SLC10A1: variants seen among roughly 807,000 people sequenced by gnomAD.
The protein encoded by SLC10A1 is solute carrier family 10 member 1.
Under a neutral mutation model 20.5 loss-of-function variants are expected in SLC10A1, and 36 were observed. The ratio of observed to expected loss-of-function variants is 1.75; its 90% CI spans 1.34 to 2.32. The LOEUF (loss-of-function observed/expected upper bound fraction) is 2.32, where lower values mean the gene tolerates loss of function less well. Ranked by LOEUF, SLC10A1 falls within the 30% of genes most tolerant of loss-of-function variation. The probability of loss-of-function intolerance (pLI) is 0.00; values close to 1 mark genes in which losing one functional copy is unlikely to be tolerated. For synonymous variants in SLC10A1, 188 were observed against 163.6 expected (o/e 1.15, Z -1.14); for missense variants, 545 against 439.1 (o/e 1.24, Z -2.16).
Position 69,776,317 on chromosome 14 carries a change from A to G in SLC10A1, c.1015T>C (p.Tyr339His), listed in dbSNP as rs1315259952. 5 of 1,613,674 alleles carry G rather than the reference A, an allele frequency of 3.1e-6. No individual in the cohort carries two copies. The highest frequency in any genetic ancestry group is 1.8e-4 in the Middle Eastern group (1 of 5,646). ...TIPGALGNGT[Y>H]KGEDCSPCTA ...CAAGGGGAGCAGTCCTCCCCTTTGT[A>G]GGTGCCATTTCCCAGAGCTCCTGGA... The change falls in exon 5 of 5, where the codon TAC becomes CAC. Residue 339 changes from tyrosine to histidine, a missense_variant. Coordinates refer to ENST00000216540, the MANE Select transcript of SLC10A1 (RefSeq NM_003049.4).
At chr14:69,790,061 C>A (rs556568279) in intron 1 of SLC10A1, among the ~76,000 whole-genome samples, 178 of 151,756 alleles carry the variant, frequency 1.2e-3, no homozygotes, top group African/African-American at 4.1e-3. Flanking sequence ...TTTAAAAAGT[C>A]ATTAAGGACA....
At chr14:69,778,218 G>A in intron 4 of SLC10A1, 115 bp downstream of exon 4, 1 of 793,146 alleles carries the variant, frequency 1.3e-6, no homozygotes, top group Non-Finnish European at 2.0e-6. Context: ...GGTTCTTAGT[G>A]ACTTGATAAG....
At position 69,777,609 on chromosome 14, in the gene SLC10A1, A is replaced by ATTT. The variant is rs1209960018; in HGVS notation, c.943+723_943+724insAAA. Among the ~76,000 whole-genome samples, 122 of 79,648 alleles carry ATTT rather than the reference A, an allele frequency of 1.5e-3. 5 individuals are homozygous for ATTT. The highest frequency in any genetic ancestry group is 6.7e-3 in the East Asian group (20 of 2,970). 52.3% of individuals were successfully genotyped at this position (79,648 alleles called of 152,430 possible). On this transcript the variant is annotated intron_variant, in intron 4 of 4. Transcript: ENST00000216540. ...TTTTTTTTTTTTTTTTTTTTTTAAA[A>ATTT]TTGGTGTTAAAGTGCACTTTGAGGA...
chr14:69,777,456 G>A (rs117666795), intron 4 of SLC10A1, among the ~76,000 whole-genome samples: 277 of 152,166 alleles, frequency 1.8e-3, no homozygotes, highest in Non-Finnish European at 2.7e-3. Context: ...GAAAGGTTTT[G>A]AAGGGGACTT....
intron 3 of SLC10A1, 90 bp downstream of exon 3, chr14:69,779,085 CTGGAGGT>C (rs1277926563): frequency 2.7e-5 from 24 of 900,252 alleles, no homozygotes; most frequent in Non-Finnish European, 3.4e-5. Context: ...CAGTTAAACC[CTGGAGGT>C]TGAGGCTGCA....
chr14:69,782,157 A>G (rs1303350743), intron 2 of SLC10A1, among the ~76,000 whole-genome samples: 5 of 152,230 alleles, frequency 3.3e-5, no homozygotes, highest in Admixed American at 1.3e-4. Flanking sequence ...TTTGGAATAT[A>G]GGAAGATCAG....
intron 2 of SLC10A1, among the ~76,000 whole-genome samples, chr14:69,781,835 G>A (rs1046612688): frequency 6.6e-6 from 1 of 152,152 alleles, no homozygotes; most frequent in African/African-American, 2.4e-5. Context: ...ATTGTATCTT[G>A]GTATATCTAA....
In SLC10A1 at chr14:69,786,236, CT is replaced by C. The variant is rs749105720; in HGVS notation, c.427del (p.Arg143GlyfsTer8). 6.2e-6 allele frequency: 10 copies of C among 1,613,944 alleles called. No homozygotes were observed. The highest frequency in any genetic ancestry group is 6.8e-6 in the Non-Finnish European group (8 of 1,180,022). The part of the protein sequence containing the change: ...MMPLLLYIYS[R>X]GIYDGDLKDK... Reference sequence around the variant, plus strand: ...CTTCAGGTCCCCATCATAGATCCCCCTGGAGTAGATGTACAGGAGGAGAGGC... The same window carrying C: ...CTTCAGGTCCCCATCATAGATCCCCCGGAGTAGATGTACAGGAGGAGAGGC... On this transcript the variant is annotated frameshift_variant, in exon 2 of 5. Transcript: ENST00000216540. LOFTEE classifies it high-confidence loss of function.
At chr14:69,788,008 T>C (rs1883761493) in intron 1 of SLC10A1, among the ~76,000 whole-genome samples, 1 of 151,882 alleles carries the variant, frequency 6.6e-6, no homozygotes, top group Non-Finnish European at 1.5e-5. Context: ...TACAGTGAGC[T>C]ATGTTAGCGC....
intron 1 of SLC10A1, among the ~76,000 whole-genome samples, chr14:69,792,095 G>A (rs1882285662): frequency 6.6e-6 from 1 of 151,970 alleles, no homozygotes; most frequent in African/African-American, 2.4e-5. Context: ...GGGATTACAG[G>A]TGCACATCAC....
chr14:69,786,034 T>G (rs1883703078), intron 2 of SLC10A1, 63 bp downstream of exon 2: 1 of 1,167,150 alleles, frequency 8.6e-7, no homozygotes, highest in Non-Finnish European at 1.3e-6. Context: ...TGATTATATC[T>G]TATAGTTGTA....
chr14:69,789,079 T>C (rs1594763869), intron 1 of SLC10A1, among the ~76,000 whole-genome samples: 1 of 152,132 alleles, frequency 6.6e-6, no homozygotes, highest in South Asian at 2.1e-4. Context: ...TGTTGGAGGG[T>C]ATATGGAAAA....
At chr14:69,795,695 G>C (rs1207873361) in intron 1 of SLC10A1, among the ~76,000 whole-genome samples, 1 of 152,080 alleles carries the variant, frequency 6.6e-6, no homozygotes, top group African/African-American at 2.4e-5. Flanking sequence ...TTATAGGTGT[G>C]AGCCACCGTG....
At chr14:69,776,497 C>T in intron 4 of SLC10A1, 109 bp from the exon 5 acceptor site, 2 of 798,862 alleles carry the variant, frequency 2.5e-6, no homozygotes, top group South Asian at 1.7e-5. Flanking sequence ...CTAGAGTGTG[C>T]TAAGTATATA....
intron 2 of SLC10A1, among the ~76,000 whole-genome samples, chr14:69,781,230 C>G (rs1883583893): frequency 6.6e-6 from 1 of 152,216 alleles, no homozygotes; most frequent in Non-Finnish European, 1.5e-5. Flanking sequence ...CTCACTGCTG[C>G]CATCTCTGGA....
intron 2 of SLC10A1, among the ~76,000 whole-genome samples, chr14:69,782,808 G>GGA (rs1161159373): frequency 1.9e-5 from 2 of 102,686 alleles, no homozygotes; most frequent in African/African-American, 3.8e-5. Flanking sequence ...ACTCCGTCTC[G>GGA]AAAAAAAAAA....
chr14:69,785,578 TTTTC>T lies in SLC10A1; in HGVS notation c.567+515_567+518del, dbSNP rs1417989695. ...CTTGTTTCTCTCGTGTGTTACTTCA[TTTTC>T]TTTCTTTTCTTTTTTTTTTTTTTTT... On this transcript the variant is annotated intron_variant, in intron 2 of 4. Transcript: ENST00000216540. 2.3e-3 allele frequency among the ~76,000 whole-genome samples: 355 copies of T among 151,398 alleles called. 1 individual carries two copies. Among genetic ancestry groups the T allele is most frequent in the African/African-American group, 8.1e-3 (333 of 41,054 alleles).
intron 1 of SLC10A1, among the ~76,000 whole-genome samples, chr14:69,792,528 A>G (rs1314971228): frequency 2.0e-5 from 3 of 152,204 alleles, no homozygotes; most frequent in African/African-American, 7.2e-5. Context: ...AAAAAATTAA[A>G]AAGTCTGACA....
At chr14:69,781,736 A>G (rs1180805850) in intron 2 of SLC10A1, among the ~76,000 whole-genome samples, 1 of 152,186 alleles carries the variant, frequency 6.6e-6, no homozygotes, top group Non-Finnish European at 1.5e-5. Flanking sequence ...CAGATTCATC[A>G]CCCTTTTAGC....
Sources: gnomAD v4.1 joint callset for allele counts (sites outside exome capture counted in the v4.1 genomes callset) on GRCh38, gnomAD v4.1.1 for gene constraint, MANE v1.5 for transcripts, NCBI Gene and HGNC (gene_info 2026-07-23, HGNC 2026-07-21) for gene names.